The following TADA1 variants were observed in gnomAD, a reference collection of about 807,000 sequenced individuals.
TADA1 encodes the protein transcriptional adapter 1.
In TADA1, 23 loss-of-function variants were observed where a neutral mutation model predicts 39.3. That is an observed-to-expected ratio of 0.58 (90% CI 0.42 to 0.83). TADA1 has a LOEUF of 0.83. TADA1 is among the 40% of genes least tolerant of loss of function. The probability of loss-of-function intolerance (pLI) is 0.00; values close to 1 mark genes in which losing one functional copy is unlikely to be tolerated. For synonymous variants in TADA1, 137 were observed against 151.8 expected (o/e 0.90, Z 0.72); for missense variants, 352 against 408.1 (o/e 0.86, Z 1.18).
chr1:166,869,388 G>A (rs940003720), intron 3 of TADA1, 57 bp downstream of exon 3: 1 of 1,449,044 alleles, frequency 6.9e-7, no homozygotes, highest in African/African-American at 1.4e-5. Context: ...ATTAGAGAAA[G>A]CTAAAGTCTA....
chr1:166,869,194 C>A, intron 3 of TADA1: 3 of 450,688 alleles, frequency 6.7e-6, no homozygotes, highest in Middle Eastern at 7.7e-4. Context: ...GGTTTGGGTT[C>A]CACTGGAAAG....
Position 166,874,751 on chromosome 1 carries a change from C to T in TADA1, c.74+1409G>A, listed in dbSNP as rs116725160. ...ACTGTGTGATCAGGCCACTGTACTT[C>T]GGCCTCTGCCACAGAGCAAGACCCC... On this transcript the variant is annotated intron_variant, in intron 1 of 7. Coordinates refer to ENST00000367874, the MANE Select transcript of TADA1 (RefSeq NM_053053.4). Among the ~76,000 whole-genome samples the T allele has an allele frequency of 3.8e-3, 584 of 152,318 alleles. 2 individuals carry two copies. The highest frequency in any genetic ancestry group is 0.013 in the African/African-American group (552 of 41,576).
At chr1:166,863,048 A>C (rs1003039907) in intron 4 of TADA1, 1 of 153,098 alleles carries the variant, frequency 6.5e-6, no homozygotes, top group Non-Finnish European at 1.5e-5. Context: ...GTTATGCCCC[A>C]GTACCTTTTG....
At chr1:166,859,658 G>A (rs1279768671) in intron 6 of TADA1, among the ~76,000 whole-genome samples, 4 of 152,100 alleles carry the variant, frequency 2.6e-5, no homozygotes, top group Non-Finnish European at 2.9e-5. Context: ...GAGGTGAGCT[G>A]AGAGACCATG....
Position 166,857,631 on chromosome 1 carries a change from T to G in TADA1, c.944A>C (p.Glu315Ala). 1 of 1,614,212 alleles carries G rather than the reference T, an allele frequency of 6.2e-7. No homozygotes were observed. Among genetic ancestry groups the G allele is most frequent in the Non-Finnish European group, 8.5e-7 (1 of 1,180,038 alleles). Residue 315 changes from glutamate (E) to alanine (A), a missense_variant, in exon 8 of 8, where the codon GAG (glutamate) becomes GCG (alanine). By Grantham distance (107) the Glu-to-Ala change is moderately radical. Coordinates refer to ENST00000367874, the MANE Select transcript of TADA1 (RefSeq NM_053053.4). ...ITKLWHPNHE[E>A]LQQDKVHRQR... ...GCGGTGAACTTTGTCTTGCTGCAGC[T>G]CTTCATGATTTGGATGCCAGAGTTT... is the stretch of plus-strand genomic sequence containing the variant.
intron 3 of TADA1, among the ~76,000 whole-genome samples, chr1:166,864,288 T>A (rs1204146479): frequency 6.6e-6 from 1 of 152,158 alleles, no homozygotes; most frequent in East Asian, 1.9e-4. Context: ...CTACAAAATA[T>A]GAAAGTAAGG....
chr1:166,864,579 C>T (rs1292740104), intron 3 of TADA1, among the ~76,000 whole-genome samples: 1 of 152,160 alleles, frequency 6.6e-6, no homozygotes, highest in African/African-American at 2.4e-5. Context: ...TGTCTATATC[C>T]TTAAATCATC....
chr1:166,857,785 A>C, intron 7 of TADA1, 66 bp from the exon 8 acceptor site: 1 of 1,540,478 alleles, frequency 6.5e-7, no homozygotes, highest in Non-Finnish European at 8.9e-7. Context: ...GACATATAAA[A>C]GGGTTTATAT....
At chr1:166,859,925 C>T (rs1658368230) in intron 6 of TADA1, among the ~76,000 whole-genome samples, 1 of 152,202 alleles carries the variant, frequency 6.6e-6, no homozygotes, top group African/African-American at 2.4e-5. Context: ...CTCCACTGCA[C>T]CTAAGAAAGT....
intron 3 of TADA1, among the ~76,000 whole-genome samples, chr1:166,868,496 C>T (rs1372260103): frequency 2.6e-5 from 4 of 152,228 alleles, no homozygotes; most frequent in Non-Finnish European, 5.9e-5. Flanking sequence ...ACCAACTGCC[C>T]TCTCTTCATC....
At chr1:166,865,932 G>GA (rs5778526) in intron 3 of TADA1, among the ~76,000 whole-genome samples, 64,085 of 150,738 alleles carry the variant, frequency 0.43, 13,686 homozygotes, top group Middle Eastern at 0.51. Flanking sequence ...TTAACGCTTT[G>GA]AAAAAAAAAA....
intron 1 of TADA1, among the ~76,000 whole-genome samples, chr1:166,872,884 C>T (rs748097511): frequency 1.3e-5 from 2 of 152,186 alleles, no homozygotes; most frequent in Non-Finnish European, 2.9e-5. Context: ...AAAAACAAAG[C>T]CAATCAATCC....
chr1:166,862,126 T>C, intron 5 of TADA1, 77 bp downstream of exon 5: 1 of 1,368,102 alleles, frequency 7.3e-7, no homozygotes. Flanking sequence ...ATTCTTTTCT[T>C]GCAATACCGA....
chr1:166,863,994 G>T, intron 3 of TADA1, 73 bp from the exon 4 acceptor site: 1 of 1,286,138 alleles, frequency 7.8e-7, no homozygotes, highest in Non-Finnish European at 1.1e-6. Flanking sequence ...TTTTCATTTG[G>T]GGTAAAAAGC....
At position 166,874,431 on chromosome 1, in the gene TADA1, ATAAG is replaced by A. The variant is rs1446160956; in HGVS notation, c.74+1725_74+1728del. Reference sequence around the variant, plus strand: ...AAAGCTGTCAATTTTACCTATTAAAATAAGTAAGAATATTTAATTCAATAAGCAC... The same window carrying A: ...AAAGCTGTCAATTTTACCTATTAAAATAAGAATATTTAATTCAATAAGCAC... On this transcript the variant is annotated intron_variant, in intron 1 of 7. Transcript: ENST00000367874. 3.3e-5 allele frequency among the ~76,000 whole-genome samples: 5 copies of A among 152,216 alleles called. No individual in the cohort carries two copies. In the East Asian group the frequency reaches 5.8e-4, roughly 18 times the overall value.
rs772335183 is a variant in TADA1 at position 166,860,215 on chromosome 1, A to G, written c.663T>C (p.Ser221=). The change falls in exon 6 of 8, where the codon AGT becomes AGC. Residue 221 remains serine (S), a synonymous_variant. Transcript: ENST00000367874. ...CTATTAAGTTGTTGTAAGCTACTACACTATTCTTCAGGTATGGCTGCGGGG... is the reference window on the plus strand; with the variant it reads ...CTATTAAGTTGTTGTAAGCTACTACGCTATTCTTCAGGTATGGCTGCGGGG... The part of the protein sequence containing the change: ...NVTPQPYLKN[S]VVAYNNLIES... 10 of 1,612,134 alleles carry G rather than the reference A, an allele frequency of 6.2e-6. No individual in the cohort carries two copies. The highest frequency in any genetic ancestry group is 2.2e-5 in the East Asian group (1 of 44,876).
At position 166,875,153 on chromosome 1, in the gene TADA1, G is replaced by A. The variant is rs747061058; in HGVS notation, c.74+1007C>T. On this transcript the variant is annotated intron_variant, in intron 1 of 7. Coordinates refer to ENST00000367874, the MANE Select transcript of TADA1 (RefSeq NM_053053.4). Reference sequence around the variant, plus strand: ...AGAATACCAGAGAAGCCATCTAGCAGCAACAACACAGGCACTGTAATTTTA... The same window carrying A: ...AGAATACCAGAGAAGCCATCTAGCAACAACAACACAGGCACTGTAATTTTA... 4.6e-5 allele frequency among the ~76,000 whole-genome samples: 7 copies of A among 152,212 alleles called. 1 individual carries two copies. Among genetic ancestry groups the A allele is most frequent in the African/African-American group, 7.2e-5 (3 of 41,458 alleles).
chr1:166,867,490 AAAAC>A (rs1326710789), intron 3 of TADA1, among the ~76,000 whole-genome samples: 2 of 152,156 alleles, frequency 1.3e-5, no homozygotes, highest in African/African-American at 2.4e-5. Context: ...ACTGCTCTCT[AAAAC>A]AACCCCACAA....
chr1:166,867,782 G>GA lies in TADA1; in HGVS notation c.232+1662_232+1663insT, dbSNP rs202127446. Reference sequence around the variant, plus strand: ...ATTAGTAGAGTAGGGGTTTCACCATGTTGGCCGGGCTGGTCTCGAACTCCT... The same window carrying GA: ...ATTAGTAGAGTAGGGGTTTCACCATGATTGGCCGGGCTGGTCTCGAACTCCT... On this transcript the variant is annotated intron_variant, in intron 3 of 7. Coordinates refer to ENST00000367874, the MANE Select transcript of TADA1 (RefSeq NM_053053.4). Among the ~76,000 whole-genome samples, 14 of 151,948 alleles carry GA rather than the reference G, an allele frequency of 9.2e-5. No homozygotes were observed. In the East Asian group the frequency reaches 2.5e-3, roughly 27 times the overall value.
Sources: allele counts gnomAD v4.1 joint callset (sites outside exome capture counted in the v4.1 genomes callset), GRCh38; gene constraint gnomAD v4.1.1; transcripts MANE v1.5; gene names NCBI Gene and HGNC (gene_info 2026-07-23, HGNC 2026-07-21).